Variants in ALKBH1 observed in about 807,000 individuals in gnomAD.
The protein encoded by ALKBH1 is alkB homolog 1, histone H2A dioxygenase, also known as nucleic acid dioxygenase ALKBH1.
In ALKBH1, 31 loss-of-function variants were observed where a neutral mutation model predicts 36.6. The observed-to-expected ratio is 0.85, with a 90% CI of 0.64 to 1.14. The LOEUF (loss-of-function observed/expected upper bound fraction) is 1.14. ALKBH1 is among the 50% of genes most tolerant of loss of function. The pLI is 0.00. For synonymous variants in ALKBH1, 183 were observed against 186.6 expected (o/e 0.98, Z 0.16); for missense variants, 490 against 497.3 (o/e 0.99, Z 0.14).
intron 3 of ALKBH1, 84 bp from the exon 4 acceptor site, chr14:77,680,054 A>G (rs763331333): frequency 2.8e-6 from 3 of 1,056,014 alleles, no homozygotes; most frequent in Non-Finnish European, 3.0e-6. Context: ...GTTAAAATTT[A>G]GTATTACATG....
chr14:77,704,778 C>T (rs970824430), intron 1 of ALKBH1, among the ~76,000 whole-genome samples: 2 of 152,160 alleles, frequency 1.3e-5, no homozygotes, highest in African/African-American at 4.8e-5. Context: ...CTTAGCTGTA[C>T]TGCTTACTTG....
rs752144606 is a variant in ALKBH1, at chr14:77,704,380, T to G, written c.281A>C (p.Lys94Thr). The G allele has an allele frequency of 6.2e-7, 1 of 1,612,068 alleles. No homozygotes were observed. Among genetic ancestry groups the G allele is most frequent in the South Asian group, 1.1e-5 (1 of 91,044 alleles). The change falls in exon 2 of 6, where the codon AAA (lysine) becomes ACA (threonine). Residue 94 changes from lysine (K) to threonine (T), a missense_variant. Transcript: ENST00000216489. ...TCAGTTACACTCACCAGGATAGCCT[T>G]TGAGTCCATAGGCTTGCCACTTGCT... The part of the protein sequence containing the change: ...PVSKWQAYGL[K>T]GYPGFIFIPN...
At position 77,707,786 on chromosome 14, in the gene ALKBH1, G is replaced by T; in HGVS notation, c.183+36C>A. The stretch of plus-strand genomic sequence containing the variant: ...AAGTCCCTCCAAGACGCGGGGCAAA[G>T]CGATGGAGAGACGCGCGCCACTCCT... On this transcript the variant is annotated intron_variant, in intron 1 of 5. Coordinates refer to ENST00000216489, the MANE Select transcript of ALKBH1 (RefSeq NM_006020.3). 3 of 1,560,976 alleles carry T rather than the reference G, an allele frequency of 1.9e-6. No homozygotes were observed. The African/African-American group carries it at 4.1e-5, about 21-fold the overall frequency.
chr14:77,704,688 T>C (rs2080378785), intron 1 of ALKBH1, among the ~76,000 whole-genome samples: 1 of 152,188 alleles, frequency 6.6e-6, no homozygotes, highest in Admixed American at 6.5e-5. Context: ...TCCTCCTGTG[T>C]TGGCCTCCCA....
chr14:77,691,652 C>T (rs2080297609), intron 3 of ALKBH1: 1 of 152,154 alleles, frequency 6.6e-6, no homozygotes, highest in Non-Finnish European at 1.5e-5. Flanking sequence ...CAATTTCTTC[C>T]AACCCTTGAC....
intron 3 of ALKBH1, among the ~76,000 whole-genome samples, chr14:77,688,497 G>A (rs944360209): frequency 1.3e-5 from 2 of 148,860 alleles, no homozygotes; most frequent in Admixed American, 6.7e-5. Flanking sequence ...CTCGTGATCC[G>A]TCCACCTCAG....
chr14:77,705,058 A>G (rs903131302), intron 1 of ALKBH1, among the ~76,000 whole-genome samples: 1 of 152,210 alleles, frequency 6.6e-6, no homozygotes, highest in Non-Finnish European at 1.5e-5. Context: ...CTTTTGAGAC[A>G]CTTGTATAGA....
Position 77,679,148 on chromosome 14 carries a change from T to G in ALKBH1, c.546+732A>C, listed in dbSNP as rs1304356907. 2.0e-5 allele frequency among the ~76,000 whole-genome samples: 3 copies of G among 151,970 alleles called. No individual in the cohort carries two copies. The East Asian group carries it at 5.8e-4, about 29-fold the overall frequency. On this transcript the variant is annotated intron_variant, in intron 4 of 5. Transcript: ENST00000216489. ...CATATGTTGAAAGTTCTTTTGTGAGTTGACGAATGAACAATTGAAATACAT... is the reference window on the plus strand; with the variant it reads ...CATATGTTGAAAGTTCTTTTGTGAGGTGACGAATGAACAATTGAAATACAT...
At position 77,690,276 on chromosome 14, in the gene ALKBH1, G is replaced by A. The variant is rs544591324; in HGVS notation, c.455+4462C>T. ...AAAAGGAAATGAGGTAGGAATGGTAGGAAATGAGAGTAGAGAGGTAGCTGT... is the reference window on the plus strand; with the variant it reads ...AAAAGGAAATGAGGTAGGAATGGTAAGAAATGAGAGTAGAGAGGTAGCTGT... On this transcript the variant is annotated intron_variant, in intron 3 of 5. Coordinates refer to ENST00000216489, the MANE Select transcript of ALKBH1 (RefSeq NM_006020.3). Among the ~76,000 whole-genome samples the A allele has an allele frequency of 4.6e-5, 7 of 152,372 alleles. No individual in the cohort carries two copies. The East Asian group carries it at 1.3e-3, about 29-fold the overall frequency.
At chr14:77,695,280 T>G (rs1449114480) in intron 2 of ALKBH1, among the ~76,000 whole-genome samples, 1 of 152,238 alleles carries the variant, frequency 6.6e-6, no homozygotes, top group Non-Finnish European at 1.5e-5. Context: ...ATAATGAATT[T>G]TAGCTAAAAC....
At position 77,704,686 on chromosome 14, in the gene ALKBH1, T is replaced by C. The variant is rs541127192; in HGVS notation, c.184-209A>G. On this transcript the variant is annotated intron_variant, in intron 1 of 5. Coordinates refer to ENST00000216489, the MANE Select transcript of ALKBH1 (RefSeq NM_006020.3). ...CTCCTGAACTCAAGTGATCCTCCTGTGTTGGCCTCCCAAAGCAATGGGATT... is the reference window on the plus strand; with the variant it reads ...CTCCTGAACTCAAGTGATCCTCCTGCGTTGGCCTCCCAAAGCAATGGGATT... 5.9e-5 allele frequency among the ~76,000 whole-genome samples: 9 copies of C among 152,316 alleles called. No individual in the cohort carries two copies. In the South Asian group the frequency reaches 1.2e-3, roughly 21 times the overall value.
intron 1 of ALKBH1, among the ~76,000 whole-genome samples, chr14:77,706,069 T>C (rs973537531): frequency 4.1e-5 from 6 of 145,842 alleles, no homozygotes; most frequent in Non-Finnish European, 9.1e-5. Flanking sequence ...AAAAAAAGTA[T>C]ATATATTATA....
At position 77,694,751 on chromosome 14, in the gene ALKBH1, TG is replaced by T. The variant is rs1382437562; in HGVS notation, c.441del (p.Ser147ArgfsTer5). 6.3e-7 allele frequency: 1 copy of T among 1,593,410 alleles called. No homozygotes were observed. Among genetic ancestry groups the T allele is most frequent in the Admixed American group, 1.8e-5 (1 of 55,818 alleles). On this transcript the variant is annotated frameshift_variant, in exon 3 of 6. Transcript: ENST00000216489. LOFTEE classifies it high-confidence loss of function. ...KEETQDLWEQ[S>X]KEFLRYKEAT... ...GACAAGACTTACCTCAGGAACTCTT[TG>T]CTCTGTTCCCACAGATCTTGGGTCT...
chr14:77,698,437 G>A (rs1355374306), intron 2 of ALKBH1, among the ~76,000 whole-genome samples: 2 of 152,178 alleles, frequency 1.3e-5, no homozygotes, highest in Admixed American at 1.3e-4. Flanking sequence ...GTGCCTGAGG[G>A]ACTCAGTTTT....
chr14:77,695,910 C>T (rs1355687692), intron 2 of ALKBH1, among the ~76,000 whole-genome samples: 1 of 152,068 alleles, frequency 6.6e-6, no homozygotes, highest in Non-Finnish European at 1.5e-5. Flanking sequence ...GCCTCGCCAA[C>T]ATGGTGAAAC....
chr14:77,707,675 G>C lies in ALKBH1; in HGVS notation c.183+147C>G, dbSNP rs1015877635. 7.3e-6 allele frequency: 6 copies of C among 820,410 alleles called. No homozygotes were observed. In the Admixed American group the frequency reaches 2.0e-4, roughly 27 times the overall value. The allele number at this position is 820,410 out of a possible 1,614,324, so 50.8% of individuals were successfully genotyped here. A position where few individuals can be genotyped will look rare whatever the true frequency, so the allele number is the denominator to read the frequency against. ...TTTATTGCTAAGTGTGACGGTTAGT[G>C]GGGAGTTCGACTCTGCAGCCAAAGG... is the stretch of plus-strand genomic sequence containing the variant. On this transcript the variant is annotated intron_variant, in intron 1 of 5. Coordinates refer to ENST00000216489, the MANE Select transcript of ALKBH1 (RefSeq NM_006020.3).
chr14:77,700,337 G>C (rs1456403610), intron 2 of ALKBH1, among the ~76,000 whole-genome samples: 1 of 152,082 alleles, frequency 6.6e-6, no homozygotes, highest in African/African-American at 2.4e-5. Flanking sequence ...ATGTGGACAG[G>C]TTCCTCATTG....
intron 2 of ALKBH1, among the ~76,000 whole-genome samples, chr14:77,701,130 T>C (rs988649744): frequency 1.3e-5 from 2 of 151,880 alleles, no homozygotes; most frequent in African/African-American, 4.8e-5. Context: ...CCATCTTGCA[T>C]CTACATGTTC....
Position 77,677,193 on chromosome 14 carries a change from C to T in ALKBH1, c.547-1344G>A, listed in dbSNP as rs999225024. Among the ~76,000 whole-genome samples, 4 of 152,106 alleles carry T rather than the reference C, an allele frequency of 2.6e-5. No individual in the cohort carries two copies. The South Asian group carries it at 6.2e-4, about 24-fold the overall frequency. Reference sequence around the variant, plus strand: ...CAGCTAGGATTACAGGTGCCTGCCACCATGCCTGGCTAATTTTTGTATTTT... The same window carrying T: ...CAGCTAGGATTACAGGTGCCTGCCATCATGCCTGGCTAATTTTTGTATTTT... On this transcript the variant is annotated intron_variant, in intron 4 of 5. Transcript: ENST00000216489.
Sources: allele counts gnomAD v4.1 joint callset (sites outside exome capture counted in the v4.1 genomes callset), GRCh38; gene constraint gnomAD v4.1.1; transcripts MANE v1.5; gene names NCBI Gene and HGNC (gene_info 2026-07-23, HGNC 2026-07-21).